MSI2: variants seen among roughly 807,000 people sequenced by gnomAD.
The protein encoded by MSI2 is RNA-binding protein Musashi homolog 2.
MSI2 carries 17 observed loss-of-function variants against 45.6 expected under a neutral mutation model. That is an observed-to-expected ratio of 0.37 (90% CI 0.26 to 0.56). The LOEUF (loss-of-function observed/expected upper bound fraction) is 0.56, where lower values mean the gene tolerates loss of function less well. MSI2 is among the 20% of genes least tolerant of loss of function. The pLI is 0.77. For missense variants in MSI2, 293 were observed against 444.2 expected (o/e 0.66, Z 3.06); for synonymous variants, 156 against 158.2 (o/e 0.99, Z 0.11).
chr17:57,452,543 G>T (rs770840465), intron 6 of MSI2, among the ~76,000 whole-genome samples: 1 of 152,210 alleles, frequency 6.6e-6, no homozygotes, highest in Non-Finnish European at 1.5e-5. Context: ...CAATCCATCT[G>T]CTTGCTTCCA....
intron 6 of MSI2, among the ~76,000 whole-genome samples, chr17:57,517,879 G>A (rs182609714): frequency 5.9e-5 from 9 of 152,176 alleles, no homozygotes; most frequent in Non-Finnish European, 1.2e-4. Flanking sequence ...GAAAGAGATG[G>A]TGGGGGATGG....
At chr17:57,534,787 A>T (rs1259103561) in intron 7 of MSI2, among the ~76,000 whole-genome samples, 1 of 152,190 alleles carries the variant, frequency 6.6e-6, no homozygotes. Context: ...GGCCTTCCAT[A>T]CGATGATTTG....
intron 7 of MSI2, among the ~76,000 whole-genome samples, chr17:57,588,289 T>G (rs1442260339): frequency 1.3e-5 from 2 of 152,204 alleles, no homozygotes; most frequent in African/African-American, 4.8e-5. Context: ...GGCTGGGTGC[T>G]GTGTACAGCT....
At chr17:57,398,100 A>C (rs2083922239) in intron 5 of MSI2, among the ~76,000 whole-genome samples, 1 of 152,194 alleles carries the variant, frequency 6.6e-6, no homozygotes, top group Non-Finnish European at 1.5e-5. Context: ...TTATGGCTAT[A>C]AGGCAACGGT....
At chr17:57,651,999 T>G in intron 10 of MSI2, 100 bp from the exon 11 acceptor site, 1 of 1,086,050 alleles carries the variant, frequency 9.2e-7, no homozygotes, top group Non-Finnish European at 1.4e-6. Context: ...ACTCCTGTCT[T>G]TGTGTGGAGG....
chr17:57,375,826 T>C lies in MSI2; in HGVS notation c.313-25553T>C, dbSNP rs939098107. Reference sequence around the variant, plus strand: ...GGATGACGAGACTCCCCTGCCCCCATCCTTCTCCTTTCATTCGCGTTGCCC... The same window carrying C: ...GGATGACGAGACTCCCCTGCCCCCACCCTTCTCCTTTCATTCGCGTTGCCC... On this transcript the variant is annotated intron_variant, in intron 5 of 13. Transcript: ENST00000284073. Among the ~76,000 whole-genome samples, 5 of 152,264 alleles carry C rather than the reference T, an allele frequency of 3.3e-5. 1 individual carries two copies. The highest frequency in any genetic ancestry group is 3.3e-4 in the Admixed American group (5 of 15,298).
intron 5 of MSI2, among the ~76,000 whole-genome samples, chr17:57,304,391 A>G (rs1296333739): frequency 6.7e-6 from 1 of 148,976 alleles, no homozygotes; most frequent in Non-Finnish European, 1.5e-5. Context: ...AAAAAAAGAA[A>G]CCCATTGACT....
intron 11 of MSI2, among the ~76,000 whole-genome samples, chr17:57,661,565 C>T (rs967617051): frequency 6.6e-6 from 1 of 152,070 alleles, no homozygotes; most frequent in Non-Finnish European, 1.5e-5. Context: ...GACCCCTAAT[C>T]CTGGGGTCTG....
intron 5 of MSI2, among the ~76,000 whole-genome samples, chr17:57,291,876 T>C (rs995793882): frequency 6.6e-6 from 1 of 152,026 alleles, no homozygotes; most frequent in Non-Finnish European, 1.5e-5. Context: ...GTGCCCGATC[T>C]CATCTGAAGA....
intron 9 of MSI2, among the ~76,000 whole-genome samples, chr17:57,619,934 G>A (rs758144225): frequency 2.6e-5 from 4 of 152,186 alleles, no homozygotes; most frequent in Admixed American, 2.0e-4. Flanking sequence ...TATAACCTCC[G>A]CAGCCCCACC....
intron 10 of MSI2, among the ~76,000 whole-genome samples, chr17:57,638,070 CAG>C (rs1294946021): frequency 6.6e-6 from 1 of 152,210 alleles, no homozygotes; most frequent in Non-Finnish European, 1.5e-5. Context: ...CAACGAAAAA[CAG>C]AAAATTACTC....
chr17:57,313,730 C>T (rs1270519095), intron 5 of MSI2, among the ~76,000 whole-genome samples: 1 of 152,190 alleles, frequency 6.6e-6, no homozygotes, highest in Non-Finnish European at 1.5e-5. Flanking sequence ...TTTATCAACG[C>T]CTTCTGTGTG....
intron 12 of MSI2, among the ~76,000 whole-genome samples, chr17:57,676,551 T>C (rs533284492): frequency 6.6e-6 from 1 of 152,354 alleles, no homozygotes; most frequent in Admixed American, 6.5e-5. Flanking sequence ...CCGGGGTCTT[T>C]TGACCTGTGG....
At chr17:57,694,987 A>G in the MSI2 span, among the ~76,000 whole-genome samples, 2 of 152,256 alleles carry the variant, frequency 1.3e-5, no homozygotes, top group Non-Finnish European at 2.9e-5. Flanking sequence ...TGAGCATAGA[A>G]CATAGAAAAT....
chr17:57,680,768 TG>T lies in MSI2; in HGVS notation c.*1258del, dbSNP rs924517878. The T allele has an allele frequency of 1.3e-4, 10 of 76,598 alleles. No individual in the cohort carries two copies. The highest frequency in any genetic ancestry group is 3.5e-4 in the African/African-American group (6 of 16,926). 4.7% of individuals were successfully genotyped at this position (76,598 alleles called of 1,614,324 possible). On this transcript the variant is annotated 3_prime_UTR_variant, in exon 14 of 14. Transcript: ENST00000284073. ...CTGTTTGGCTTGGGTGGGGGTGGGG[TG>T]GGGGGGACATTCTTTTTCAGTCTTA...
chr17:57,439,956 G>A (rs917293385), intron 6 of MSI2, among the ~76,000 whole-genome samples: 3 of 151,900 alleles, frequency 2.0e-5, no homozygotes, highest in African/African-American at 7.3e-5. Context: ...ATAAGAGGGG[G>A]GGTCTGTTCT....
intron 13 of MSI2, among the ~76,000 whole-genome samples, chr17:57,679,129 T>G (rs369554296): frequency 6.6e-4 from 100 of 151,986 alleles, no homozygotes; most frequent in African/African-American, 1.6e-3. Flanking sequence ...GTTTGTGGGG[T>G]TTTTTTTGTT....
In MSI2 at chr17:57,338,635, T is replaced by C. The variant is rs565680082; in HGVS notation, c.313-62744T>C. Among the ~76,000 whole-genome samples the C allele has an allele frequency of 5.2e-4, 79 of 152,302 alleles. 1 individual carries two copies. The highest frequency in any genetic ancestry group is 5.1e-3 in the Admixed American group (78 of 15,294). On this transcript the variant is annotated intron_variant, in intron 5 of 13. Transcript: ENST00000284073. ...TCTGCCTGGAGGAGCGGGCTGGTGTTAATTCACTGACCCGGGGAGCTGTGC... is the reference window on the plus strand; with the variant it reads ...TCTGCCTGGAGGAGCGGGCTGGTGTCAATTCACTGACCCGGGGAGCTGTGC...
At chr17:57,661,769 C>T (rs1157150585) in intron 11 of MSI2, among the ~76,000 whole-genome samples, 2 of 152,208 alleles carry the variant, frequency 1.3e-5, no homozygotes, top group Non-Finnish European at 2.9e-5. Flanking sequence ...GAGGTGGCCA[C>T]TGTCCCCTTT....
Sources: gnomAD v4.1 joint callset for allele counts (sites outside exome capture counted in the v4.1 genomes callset) on GRCh38, gnomAD v4.1.1 for gene constraint, MANE v1.5 for transcripts, NCBI Gene and HGNC (gene_info 2026-07-23, HGNC 2026-07-21) for gene names.